Variants in APC observed in about 807,000 individuals in gnomAD.
APC encodes adenomatous polyposis coli protein.
APC carries 72 observed loss-of-function variants against 247.0 expected under a neutral mutation model. The ratio of observed to expected loss-of-function variants is 0.29; its 90% CI spans 0.24 to 0.35. The LOEUF is 0.35. Among genes scored for constraint, APC ranks in the 10% least tolerant of loss-of-function variants. The pLI is 1.00. For missense variants in APC, 3,400 were observed against 3,360.7 expected (o/e 1.01, Z -0.29); for synonymous variants, 1,254 against 1,162.5 (o/e 1.08, Z -1.60).
At position 112,842,338 on chromosome 5, in the gene APC, A is replaced by G. The variant is rs1266979535; in HGVS notation, c.6744A>G (p.Lys2248=). ...CCTCAAGTACAAGTCCTGTTTCTAA[A>G]AAAGGCCCACCCCTTAAGACTCCAG... is the stretch of plus-strand genomic sequence containing the variant. ...NSSSSTSPVS[K]KGPPLKTPAS... Residue 2248 remains lysine (K), a synonymous_variant, in exon 16 of 16, where the codon AAA becomes AAG. Transcript: ENST00000257430. The G allele has an allele frequency of 1.2e-6, 2 of 1,613,862 alleles. No individual in the cohort carries two copies. Among genetic ancestry groups the G allele is most frequent in the Admixed American group, 1.7e-5 (1 of 59,976 alleles).
At chr5:112,726,475 C>G (rs928565923) in intron 1 of APC, among the ~76,000 whole-genome samples, 1 of 152,168 alleles carries the variant, frequency 6.6e-6, no homozygotes, top group Non-Finnish European at 1.5e-5. Context: ...CTCTGCTGTG[C>G]TGTTTTGCTG....
At chr5:112,778,732 A>G (rs1276168209) in intron 5 of APC, among the ~76,000 whole-genome samples, 5 of 152,098 alleles carry the variant, frequency 3.3e-5, no homozygotes, top group African/African-American at 9.7e-5. Context: ...TTTAGTAGAG[A>G]CAAGGTTTTG....
chr5:112,801,097 TTA>T (rs1760765349), intron 7 of APC, among the ~76,000 whole-genome samples, 180 bp from the exon 8 acceptor site: 1 of 152,144 alleles, frequency 6.6e-6, no homozygotes, highest in African/African-American at 2.4e-5. Flanking sequence ...CACTTTCCCC[TTA>T]CCGAGATAGT....
intron 6 of APC, among the ~76,000 whole-genome samples, chr5:112,790,416 C>A (rs1759444077): frequency 6.6e-6 from 1 of 152,050 alleles, no homozygotes; most frequent in South Asian, 2.1e-4. Context: ...ACCTCTGCCT[C>A]CTGGGTTCGA....
chr5:112,731,334 A>G (rs1386737063), intron 1 of APC, among the ~76,000 whole-genome samples: 1 of 152,182 alleles, frequency 6.6e-6, no homozygotes, highest in African/African-American at 2.4e-5. Flanking sequence ...ATGAACAGAA[A>G]TTTATTGGTT....
intron 1 of APC, among the ~76,000 whole-genome samples, chr5:112,749,087 T>C (rs543612376): frequency 1.2e-4 from 19 of 152,218 alleles, no homozygotes; most frequent in Admixed American, 2.6e-4. Context: ...AGTATTTTAA[T>C]GTAGCGAGTG....
At chr5:112,721,824 T>C (rs1177750950) in intron 1 of APC, among the ~76,000 whole-genome samples, 1 of 152,124 alleles carries the variant, frequency 6.6e-6, no homozygotes, top group Admixed American at 6.5e-5. Context: ...GCAAATTTTA[T>C]GTCTTGGGCC....
At chr5:112,802,892 A>G (rs1179956743) in intron 8 of APC, among the ~76,000 whole-genome samples, 1 of 152,120 alleles carries the variant, frequency 6.6e-6, no homozygotes, top group Non-Finnish European at 1.5e-5. Context: ...TATACCAGCT[A>G]TTTAAAGAGT....
At chr5:112,736,334 A>T (rs181747513), upstream of APC, among the ~76,000 whole-genome samples, 129 of 152,298 alleles carry the variant, frequency 8.5e-4, 1 homozygote, top group Non-Finnish European at 7.9e-4. Context: ...TGTGGAAATA[A>T]CTCACTTGTT....
intron 8 of APC, among the ~76,000 whole-genome samples, chr5:112,809,837 A>G (rs1761802802): frequency 6.6e-6 from 1 of 152,136 alleles, no homozygotes; most frequent in African/African-American, 2.4e-5. Flanking sequence ...TCTCTACTAA[A>G]AATACAAAAA....
chr5:112,774,026 A>G (rs1025935071), intron 4 of APC, among the ~76,000 whole-genome samples: 2 of 152,182 alleles, frequency 1.3e-5, no homozygotes, highest in African/African-American at 2.4e-5. Context: ...AAAAATTTAT[A>G]TATTCTAGGA....
At chr5:112,756,145 T>G (rs917449189) in intron 2 of APC, among the ~76,000 whole-genome samples, 6 of 152,240 alleles carry the variant, frequency 3.9e-5, no homozygotes, top group African/African-American at 1.4e-4. Context: ...TCCAGACTTT[T>G]GTGTGTCACT....
At chr5:112,820,478 A>G (rs1159456855) in intron 10 of APC, among the ~76,000 whole-genome samples, 2 of 152,152 alleles carry the variant, frequency 1.3e-5, no homozygotes, top group Admixed American at 6.5e-5. Context: ...GTGAGACACT[A>G]TCTCATTTTT....
rs938418426 is a variant in APC at position 112,843,923 on chromosome 5, G to A, written c.8329G>A (p.Val2777Ile). The stretch of plus-strand genomic sequence containing the variant: ...CAAACACAGTTCACCTAGTGGGACT[G>A]TTGCTGCCAGAGTGACTCCTTTTAA... ...SSKHSSPSGT[V>I]AARVTPFNYN... is the part of the protein sequence containing the mutation. Residue 2777 changes from valine to isoleucine, a missense_variant, in exon 16 of 16, where the codon GTT (valine) becomes ATT (isoleucine). Physicochemically the swap from Val to Ile is conservative, Grantham distance 29. This residue lies in a region of APC where 1,788 missense variants were observed against 1,649.5 expected (regional missense o/e 1.08). Transcript: ENST00000257430. The surrounding 1 kb of genome is among the most constrained non-coding windows in gnomAD (Gnocchi z 4.8). 1.2e-6 allele frequency: 2 copies of A among 1,612,622 alleles called. No homozygotes were observed. Among genetic ancestry groups the A allele is most frequent in the Non-Finnish European group, 1.7e-6 (2 of 1,179,024 alleles).
chr5:112,788,682 C>T (rs958144179), intron 6 of APC, among the ~76,000 whole-genome samples: 2 of 152,094 alleles, frequency 1.3e-5, no homozygotes, highest in African/African-American at 4.8e-5. Flanking sequence ...TCACAGGGGT[C>T]TTACATATCA....
intron 1 of APC, among the ~76,000 whole-genome samples, chr5:112,750,051 C>T (rs1754152588): frequency 6.6e-6 from 1 of 150,382 alleles, no homozygotes; most frequent in Non-Finnish European, 1.5e-5. Context: ...CATCCTCCAC[C>T]TCCCAGGTTC....
intron 3 of APC, 44 bp downstream of exon 3, chr5:112,766,454 A>G (rs374729480): frequency 4.4e-6 from 6 of 1,376,068 alleles, no homozygotes; most frequent in Non-Finnish European, 5.2e-6. Context: ...TTAAGCTCAA[A>G]TTGTCATCTT....
chr5:112,790,903 C>T (rs1192368556), intron 6 of APC, among the ~76,000 whole-genome samples: 1 of 152,040 alleles, frequency 6.6e-6, no homozygotes, highest in African/African-American at 2.4e-5. Context: ...TAGCTTCTAA[C>T]ACACACACAC....
chr5:112,788,729 G>A (rs536659525), intron 6 of APC, among the ~76,000 whole-genome samples: 1 of 152,010 alleles, frequency 6.6e-6, no homozygotes, highest in African/African-American at 2.4e-5. Flanking sequence ...TACAGTTTTT[G>A]TTGCTATTAT....
Sources: gnomAD v4.1 joint callset for allele counts (sites outside exome capture counted in the v4.1 genomes callset) on GRCh38, gnomAD v4.1.1 for gene constraint, gnomAD v4.1.1 regional missense constraint, Gnocchi (gnomAD v3.1) non-coding constraint, MANE v1.5 for transcripts, NCBI Gene and HGNC (gene_info 2026-07-23, HGNC 2026-07-21) for gene names.